The following EPPK1 variants were observed in gnomAD, a reference collection of about 807,000 sequenced individuals.
EPPK1 encodes epiplakin 1, also known as epiplakin.
For missense variants in EPPK1, 3,823 were observed against 3,673.3 expected (o/e 1.04, Z -1.05); for synonymous variants, 1,862 against 1,721.2 (o/e 1.08, Z -2.03).
chr8:143,869,564 G>A lies in EPPK1; in HGVS notation c.3690C>T (p.Ala1230=), dbSNP rs1554660395. ...TCACCGCCGGCTGCTCGGCGACCTGGGCGGGCGACTGCGTGCCCTGAGCCA... is the reference window on the plus strand; with the variant it reads ...TCACCGCCGGCTGCTCGGCGACCTGAGCGGGCGACTGCGTGCCCTGAGCCA... The part of the protein sequence containing the change: ...EALAQGTQSP[A]QVAEQPAVKA... Residue 1230 remains alanine, a synonymous_variant, in exon 2 of 2, where the codon GCC becomes GCT. Transcript: ENST00000615648. 8 of 1,560,498 alleles carry A rather than the reference G, an allele frequency of 5.1e-6. No individual in the cohort carries two copies. In the South Asian group the frequency reaches 8.1e-5, roughly 16 times the overall value.
At chr8:143,873,464 C>T (rs1475693370) in intron 1 of EPPK1, among the ~76,000 whole-genome samples, 166 bp from the exon 2 acceptor site, 15 of 152,210 alleles carry the variant, frequency 9.9e-5, no homozygotes, top group Admixed American at 2.0e-4. Context: ...CACTCTGCCG[C>T]GGGGGTGCCA....
chr8:143,877,331 G>T (rs1476298600), intron 1 of EPPK1, among the ~76,000 whole-genome samples: 1 of 152,172 alleles, frequency 6.6e-6, no homozygotes, highest in Non-Finnish European at 1.5e-5. Flanking sequence ...CGGAGCGAGG[G>T]GGGGCAGGGG....
In EPPK1 at chr8:143,867,084, G is replaced by A. The variant is rs201053920; in HGVS notation, c.6170C>T (p.Pro2057Leu). Reference protein sequence around the residue: ...QKHMRKRFVDPNTQEKVSYRE... With the variant: ...QKHMRKRFVDLNTQEKVSYRE... ...GTACGAGACCTTCTCTTGCGTGTTC[G>A]GGTCCACAAACCGTTTCCTCATGTG... The change falls in exon 2 of 2, where the codon CCG becomes CTG. Residue 2057 changes from proline to leucine, a missense_variant. Transcript: ENST00000615648. The A allele has an allele frequency of 1.6e-4, 251 of 1,612,776 alleles. No homozygotes were observed. The highest frequency in any genetic ancestry group is 2.0e-4 in the Non-Finnish European group (231 of 1,179,852).
At position 143,869,294 on chromosome 8, in the gene EPPK1, G is replaced by A. The variant is rs781960964; in HGVS notation, c.3960C>T (p.Ala1320=). 237 of 1,604,838 alleles carry A rather than the reference G, an allele frequency of 1.5e-4. No individual in the cohort carries two copies. The highest frequency in any genetic ancestry group is 1.5e-4 in the African/African-American group (11 of 74,784). The change falls in exon 2 of 2, where the codon GCC becomes GCT. Residue 1320 remains alanine, a synonymous_variant. Coordinates refer to ENST00000615648, the MANE Select transcript of EPPK1 (RefSeq NM_031308.4). ...CTGGGTACCCGGCCGCCGCCCTCTC[G>A]GCCTGCCCGAGCTGCTCACTCAGCT... ...GRELSEQLGQ[A]ERAAAGYPDP...
chr8:143,870,094 T>C lies in EPPK1; in HGVS notation c.3160A>G (p.Ser1054Gly), dbSNP rs201821354. The change falls in exon 2 of 2, where the codon AGC becomes GGC. Residue 1054 changes from serine to glycine, a missense_variant. Ser to Gly is a moderately conservative substitution (Grantham distance 56, BLOSUM62 0). Coordinates refer to ENST00000615648, the MANE Select transcript of EPPK1 (RefSeq NM_031308.4). This position sits in a 1 kb window ranked among gnomAD's most constrained non-coding sequence, Gnocchi z 5.2. ...VATGGIIDPT[S>G]HHHLPMPVAI... Reference sequence around the variant, plus strand: ...ACTGGCATGGGGAGGTGGTGGTGGCTGGTGGGGTCAATGATCCCTCCTGTG... The same window carrying C: ...ACTGGCATGGGGAGGTGGTGGTGGCCGGTGGGGTCAATGATCCCTCCTGTG... The C allele has an allele frequency of 8.7e-5, 140 of 1,610,356 alleles. 1 individual carries two copies. In the African/African-American group the frequency reaches 1.7e-3, roughly 19 times the overall value.
rs1563873320 is a variant in EPPK1, at chr8:143,857,737, G to C, written c.*250C>G. ...GAAAAATGTTCTGAAAACGAAAAAG[G>C]AGAGAAAAGTAAAACCATATGACAC... On this transcript the variant is annotated 3_prime_UTR_variant, in exon 2 of 2. Coordinates refer to ENST00000615648, the MANE Select transcript of EPPK1 (RefSeq NM_031308.4). The C allele has an allele frequency of 2.4e-6, 1 of 418,192 alleles. No individual in the cohort carries two copies. The highest frequency in any genetic ancestry group is 4.2e-6 in the Non-Finnish European group (1 of 238,780). The allele number at this position is 418,192 out of a possible 1,614,324, so 25.9% of individuals were successfully genotyped here. A position where few individuals can be genotyped will look rare whatever the true frequency, so the allele number is the denominator to read the frequency against.
rs782617508 is a variant in EPPK1, at chr8:143,872,872, C to T, written c.382G>A (p.Gly128Ser). The change falls in exon 2 of 2, where the codon GGT becomes AGT. Residue 128 changes from glycine to serine, a missense_variant. Physicochemically the swap from Gly to Ser is moderately conservative, Grantham distance 56. Coordinates refer to ENST00000615648, the MANE Select transcript of EPPK1 (RefSeq NM_031308.4). Reference sequence around the variant, plus strand: ...GCCTGAAAGAGGGCCAGCTTCTCACCGCCGTAGGGGTCAGGATAGCCCGTA... The same window carrying T: ...GCCTGAAAGAGGGCCAGCTTCTCACTGCCGTAGGGGTCAGGATAGCCCGTA... ...ATTGYPDPYG[G>S]EKLALFQAIG... 47 of 1,580,682 alleles carry T rather than the reference C, an allele frequency of 3.0e-5. No homozygotes were observed. Among genetic ancestry groups the T allele is most frequent in the Middle Eastern group, 3.4e-4 (2 of 5,912 alleles).
chr8:143,869,199 C>T lies in EPPK1; in HGVS notation c.4055G>A (p.Gly1352Asp). 2 of 1,609,862 alleles carry T rather than the reference C, an allele frequency of 1.2e-6. No homozygotes were observed. Among genetic ancestry groups the T allele is most frequent in the Non-Finnish European group, 8.5e-7 (1 of 1,179,692 alleles). Reference sequence around the variant, plus strand: ...CAGCTGCACCTGCAGGAGGGGCAAGCCCTCGTTCTGTGGCACGAGCCCCTT... The same window carrying T: ...CAGCTGCACCTGCAGGAGGGGCAAGTCCTCGTTCTGTGGCACGAGCCCCTT... The part of the protein sequence containing the change: ...MEKGLVPQNE[G>D]LPLLQVQLAT... The change falls in exon 2 of 2, where the codon GGC becomes GAC. Residue 1352 changes from glycine to aspartate, a missense_variant. Gly to Asp is a moderately conservative substitution (Grantham distance 94, BLOSUM62 -1). Coordinates refer to ENST00000615648, the MANE Select transcript of EPPK1 (RefSeq NM_031308.4).
Position 143,873,150 on chromosome 8 carries a change from G to A in EPPK1, c.104C>T (p.Pro35Leu). The part of the protein sequence containing the change: ...AMAATLGAGT[P>L]PRPQARSIAG... ...TATGCTCCTGGCCTGGGGCCTGGGG[G>A]GCGTGCCGGCTCCCAGCGTGGCTGC... The change falls in exon 2 of 2, where the codon CCC (proline) becomes CTC (leucine). Residue 35 changes from proline (P) to leucine (L), a missense_variant. Physicochemically the swap from Pro to Leu is moderately conservative, Grantham distance 98. Transcript: ENST00000615648. 1 of 1,589,634 alleles carries A rather than the reference G, an allele frequency of 6.3e-7. No homozygotes were observed.
In EPPK1 at chr8:143,871,892, G is replaced by C. The variant is rs1554661348; in HGVS notation, c.1362C>G (p.Leu454=). 2 of 1,609,554 alleles carry C rather than the reference G, an allele frequency of 1.2e-6. No individual in the cohort carries two copies. The highest frequency in any genetic ancestry group is 1.3e-5 in the African/African-American group (1 of 74,952). ...GCCCGGTCTCTGGGTCGGTGACACA[G>C]AGGGCCAGCAGCTGTTCATAGCGCA... ...GGLRYEQLLA[L]CVTDPETGLA... Residue 454 remains leucine (L), a synonymous_variant, in exon 2 of 2, where the codon CTC becomes CTG. Transcript: ENST00000615648.
At position 143,878,425 on chromosome 8, in the gene EPPK1, G is replaced by GCACCCGCCC. The variant is rs1819531375; in HGVS notation, c.-46+12_-46+13insGGGCGGGTG. 7.9e-6 allele frequency: 1 copy of GCACCCGCCC among 126,228 alleles called. No homozygotes were observed. The highest frequency in any genetic ancestry group is 1.7e-5 in the Non-Finnish European group (1 of 57,386). 7.8% of individuals were successfully genotyped at this position (126,228 alleles called of 1,614,324 possible). On this transcript the variant is annotated intron_variant, in intron 1 of 1. Transcript: ENST00000615648. The stretch of plus-strand genomic sequence containing the variant: ...ACCCGCCGCACCCGCCGCACCCGCC[G>GCACCCGCCC]CACCCGCCGCACCTGCCCGCTCGCC...
Position 143,867,982 on chromosome 8 carries a change from G to A in EPPK1, c.5272C>T (p.Gln1758Ter), listed in dbSNP as rs781995720. 1.9e-6 allele frequency: 3 copies of A among 1,613,640 alleles called. No individual in the cohort carries two copies. The highest frequency in any genetic ancestry group is 2.2e-5 in the South Asian group (2 of 91,058). The stretch of plus-strand genomic sequence containing the variant: ...TAGTTTTCTCCTTTCTTTATGATTT[G>A]TAGCAGGTACAGGCCCGTCTCGGGG... ...EDPETGLYLL[Q>*]IIKKGENYVY... The change falls in exon 2 of 2, where the codon CAA becomes TAA. Residue 1758 changes from glutamine (Q) to a stop codon, truncating the protein, a stop_gained. Coordinates refer to ENST00000615648, the MANE Select transcript of EPPK1 (RefSeq NM_031308.4). LOFTEE classifies it low-confidence loss of function (END_TRUNC).
rs1285508671 is a variant in EPPK1 at position 143,866,369 on chromosome 8, C to G, written c.6885G>C (p.Glu2295Asp). ...EAVAAGVVGG[E>D]IQEKLLSAER... is the part of the protein sequence containing the mutation. ...CGGCCGACAGCAGCTTCTCCTGGAT[C>G]TCGCCGCCCACCACGCCCGCGGCCA... Residue 2295 changes from glutamate (E) to aspartate (D), a missense_variant, in exon 2 of 2, where the codon GAG (glutamate) becomes GAC (aspartate). Glu to Asp is a conservative substitution (Grantham distance 45, BLOSUM62 2). Coordinates refer to ENST00000615648, the MANE Select transcript of EPPK1 (RefSeq NM_031308.4). 85 of 807,186 alleles carry G rather than the reference C, an allele frequency of 1.1e-4. No homozygotes were observed. The highest frequency in any genetic ancestry group is 1.5e-4 in the Non-Finnish European group (83 of 546,678). 50.0% of individuals were successfully genotyped at this position (807,186 alleles called of 1,614,324 possible).
chr8:143,872,431 C>T lies in EPPK1; in HGVS notation c.823G>A (p.Ala275Thr). 2 of 1,600,126 alleles carry T rather than the reference C, an allele frequency of 1.2e-6. No individual in the cohort carries two copies. The highest frequency in any genetic ancestry group is 1.7e-6 in the Non-Finnish European group (2 of 1,178,956). ...CCCTCCAGGTAGCGCCGCACCTCGG[C>T]ACGTGCACTCACGTCCACTGCGGCC... ...RLAAVDVSAR[A>T]EVRRYLEGTG... Residue 275 changes from alanine (A) to threonine (T), a missense_variant, in exon 2 of 2, where the codon GCC becomes ACC. Transcript: ENST00000615648.
chr8:143,873,310 A>G lies in EPPK1; in HGVS notation c.-45-12T>C. The G allele has an allele frequency of 6.9e-7, 1 of 1,444,766 alleles. No individual in the cohort carries two copies. Among genetic ancestry groups the G allele is most frequent in the Non-Finnish European group, 9.1e-7 (1 of 1,103,050 alleles). 89.5% of individuals were successfully genotyped at this position (1,444,766 alleles called of 1,614,324 possible). A position where few individuals can be genotyped will look rare whatever the true frequency, so the allele number is the denominator to read the frequency against. On this transcript the variant is annotated splice_polypyrimidine_tract_variant and intron_variant, in intron 1 of 1. Transcript: ENST00000615648. ...GGTCCACCTCTGTCCTGCAGGGGAC[A>G]GAAAGGCTCAATCAGGGACCCCGCA...
chr8:143,876,353 G>T (rs781867052), intron 1 of EPPK1, among the ~76,000 whole-genome samples: 1 of 152,186 alleles, frequency 6.6e-6, no homozygotes, highest in African/African-American at 2.4e-5. Context: ...CTGGAGGACG[G>T]GGAGGCAGCC....
Position 143,868,989 on chromosome 8 carries a change from A to T in EPPK1, c.4265T>A (p.Val1422Glu), listed in dbSNP as rs1554660182. 9 of 1,610,252 alleles carry T rather than the reference A, an allele frequency of 5.6e-6. No homozygotes were observed. The highest frequency in any genetic ancestry group is 7.6e-6 in the Non-Finnish European group (9 of 1,179,822). Residue 1422 changes from valine (V) to glutamate (E), a missense_variant, in exon 2 of 2, where the codon GTG (valine) becomes GAG (glutamate). Val to Glu is a moderately radical substitution (Grantham distance 121). Coordinates refer to ENST00000615648, the MANE Select transcript of EPPK1 (RefSeq NM_031308.4). ...VTYQQLRERCVCDSETGLLLL... is the reference protein window; with the variant it reads ...VTYQQLRERCECDSETGLLLL... The stretch of plus-strand genomic sequence containing the variant: ...CAACAATCCGGTCTCGGAGTCGCAC[A>T]CGCAGCGCTCCCTGAGCTGCTGGTA...
chr8:143,874,836 A>G (rs896842576), intron 1 of EPPK1, among the ~76,000 whole-genome samples: 1 of 151,584 alleles, frequency 6.6e-6, no homozygotes, highest in South Asian at 2.1e-4. Context: ...CTACCTCTAC[A>G]CAAGGTCTCA....
chr8:143,870,717 C>T lies in EPPK1; in HGVS notation c.2537G>A (p.Arg846His), dbSNP rs782713606. 103 of 1,611,140 alleles carry T rather than the reference C, an allele frequency of 6.4e-5. No homozygotes were observed. The highest frequency in any genetic ancestry group is 8.0e-5 in the African/African-American group (6 of 75,026). The change falls in exon 2 of 2, where the codon CGC (arginine) becomes CAC (histidine). Residue 846 changes from arginine to histidine, a missense_variant. Coordinates refer to ENST00000615648, the MANE Select transcript of EPPK1 (RefSeq NM_031308.4). The surrounding 1 kb of genome is among the most constrained non-coding windows in gnomAD (Gnocchi z 5.2). ...GTAGCGACGCAGCAGCTGCCTCCTG[C>T]GGCCCTCGCTGAAGTACTCAGAGTT... ...LINSEYFSEG[R>H]RRQLLRRYRQ...
Sources: allele counts gnomAD v4.1 joint callset (sites outside exome capture counted in the v4.1 genomes callset), GRCh38; gene constraint gnomAD v4.1.1; non-coding constraint Gnocchi (gnomAD v3.1); transcripts MANE v1.5; gene names NCBI Gene and HGNC (gene_info 2026-07-23, HGNC 2026-07-21).